PITPNM2: variants seen among roughly 807,000 people sequenced by gnomAD.
The protein encoded by PITPNM2 is membrane-associated phosphatidylinositol transfer protein 2.
A neutral mutation model predicts 132.2 loss-of-function variants in PITPNM2; 35 were observed. The ratio of observed to expected loss-of-function variants is 0.26; its 90% CI spans 0.20 to 0.35. The LOEUF is 0.35. Among genes scored for constraint, PITPNM2 ranks in the 10% least tolerant of loss-of-function variants. The probability of loss-of-function intolerance (pLI) is 1.00; values close to 1 mark genes in which losing one functional copy is unlikely to be tolerated. For missense variants in PITPNM2, 1,332 were observed against 1,912.0 expected (o/e 0.70, Z 5.66); for synonymous variants, 738 against 799.2 (o/e 0.92, Z 1.29).
At chr12:123,050,521 G>A (rs910192713) in intron 2 of PITPNM2, among the ~76,000 whole-genome samples, 6 of 152,272 alleles carry the variant, frequency 3.9e-5, no homozygotes, top group South Asian at 2.1e-4. Flanking sequence ...AAACCCAGGC[G>A]TCTTAGGTCA....
intron 2 of PITPNM2, chr12:123,081,294 C>T (rs2041954814): frequency 6.6e-6 from 1 of 152,326 alleles, no homozygotes; most frequent in Non-Finnish European, 1.5e-5. Context: ...TCCATAATGA[C>T]GTGGGTCTGG....
intron 2 of PITPNM2, chr12:123,091,202 T>C (rs1049807015): frequency 1.3e-5 from 2 of 152,202 alleles, no homozygotes; most frequent in Non-Finnish European, 2.9e-5. Context: ...CACAGCAGGA[T>C]TGCCGTCCTG....
rs1015082721 is a variant in PITPNM2 at position 122,992,322 on chromosome 12, G to A, written c.2404+177C>T. 9.2e-5 allele frequency among the ~76,000 whole-genome samples: 14 copies of A among 152,086 alleles called. No individual in the cohort carries two copies. The highest frequency in any genetic ancestry group is 3.4e-3 in the Middle Eastern group (1 of 294). On this transcript the variant is annotated intron_variant, in intron 16 of 25. Coordinates refer to ENST00000320201, the MANE Select transcript of PITPNM2 (RefSeq NM_020845.3). The surrounding 1 kb of genome is among the most constrained non-coding windows in gnomAD (Gnocchi z 6.5). ...ATTTGTGCCTCACAGGGATCAGTGC[G>A]GAGGGATGCACCACCCCCACCCCCC...
intron 5 of PITPNM2, 112 bp from the exon 6 acceptor site, chr12:123,010,189 C>A: frequency 1.2e-6 from 1 of 859,220 alleles, no homozygotes; most frequent in South Asian, 1.6e-5. Flanking sequence ...CTTGCCCTGC[C>A]AGAGGGACCC....
In PITPNM2 at chr12:123,012,007, G is replaced by A. The variant is rs573548110; in HGVS notation, c.415+606C>T. Among the ~76,000 whole-genome samples the A allele has an allele frequency of 2.6e-5, 4 of 152,354 alleles. No individual in the cohort carries two copies. The East Asian group carries it at 7.7e-4, about 29-fold the overall frequency. On this transcript the variant is annotated intron_variant, in intron 5 of 25. Coordinates refer to ENST00000320201, the MANE Select transcript of PITPNM2 (RefSeq NM_020845.3). ...ATGCCCTGCCTGAGATGCCTCCACA[G>A]TGACTTGGGCCTTGTACCCAGAGGC...
chr12:122,987,349 G>A lies in PITPNM2; in HGVS notation c.3345C>T (p.Ser1115=), dbSNP rs774168052. 1.4e-5 allele frequency: 22 copies of A among 1,612,850 alleles called. No homozygotes were observed. The highest frequency in any genetic ancestry group is 1.5e-5 in the Non-Finnish European group (18 of 1,180,028). ...TEFVVFSIDG[S]FAASVSIMGS... Reference sequence around the variant, plus strand: ...CCATGATGGACACGCTAGCGGCAAAGGAACCGTCGATGCTGAAGACCACGA... The same window carrying A: ...CCATGATGGACACGCTAGCGGCAAAAGAACCGTCGATGCTGAAGACCACGA... Residue 1115 remains serine, a synonymous_variant, in exon 23 of 26, where the codon TCC becomes TCT. Coordinates refer to ENST00000320201, the MANE Select transcript of PITPNM2 (RefSeq NM_020845.3).
At chr12:123,006,753 TA>T (rs2038952696) in intron 6 of PITPNM2, among the ~76,000 whole-genome samples, 1 of 132,540 alleles carries the variant, frequency 7.5e-6, no homozygotes, top group Admixed American at 7.8e-5. Flanking sequence ...ATAATAATAA[TA>T]GAATGATAAA....
In PITPNM2 at chr12:123,000,487, T is replaced by C; in HGVS notation, c.1224+291A>G. 1 of 702,434 alleles carries C rather than the reference T, an allele frequency of 1.4e-6. No homozygotes were observed. The highest frequency in any genetic ancestry group is 2.6e-6 in the Non-Finnish European group (1 of 384,738). 43.5% of individuals were successfully genotyped at this position (702,434 alleles called of 1,614,324 possible). A position where few individuals can be genotyped will look rare whatever the true frequency, so the allele number is the denominator to read the frequency against. ...AAGATCTTATTTTTGATCTGGAATTTACAAGTTTCTCATTTTACTTTCCCA... is the reference window on the plus strand; with the variant it reads ...AAGATCTTATTTTTGATCTGGAATTCACAAGTTTCTCATTTTACTTTCCCA... On this transcript the variant is annotated intron_variant, in intron 10 of 25. Transcript: ENST00000320201. The surrounding 1 kb of genome is among the most constrained non-coding windows in gnomAD (Gnocchi z 5.4).
intron 2 of PITPNM2, chr12:123,087,432 G>C (rs2042143745): frequency 6.6e-6 from 1 of 151,524 alleles, no homozygotes. Context: ...TTTTTTAGTA[G>C]AGACGGGGTT....
chr12:123,137,764 G>A (rs566099783), intron 1 of PITPNM2, among the ~76,000 whole-genome samples: 60 of 151,980 alleles, frequency 3.9e-4, no homozygotes, highest in African/African-American at 1.3e-3. Flanking sequence ...GTGGTGGTGC[G>A]TGTCTGTAGT....
chr12:122,991,744 A>C, intron 16 of PITPNM2: 1 of 1,296,250 alleles, frequency 7.7e-7, no homozygotes, highest in Non-Finnish European at 9.8e-7. Context: ...CGAGCAGGGG[A>C]GGGTACACAC....
intron 2 of PITPNM2, among the ~76,000 whole-genome samples, chr12:123,104,901 A>G (rs968777477): frequency 2.0e-5 from 3 of 152,112 alleles, no homozygotes; most frequent in African/African-American, 7.2e-5. Context: ...CTTTTAAAGC[A>G]CAATTCGGAT....
At position 123,022,185 on chromosome 12, in the gene PITPNM2, G is replaced by C. The variant is rs2136332271; in HGVS notation, c.79-8143C>G. Among the ~76,000 whole-genome samples the C allele has an allele frequency of 6.6e-6, 1 of 152,264 alleles. No individual in the cohort carries two copies. Among genetic ancestry groups the C allele is most frequent in the South Asian group, 2.1e-4 (1 of 4,822 alleles). On this transcript the variant is annotated intron_variant, in intron 3 of 25. Coordinates refer to ENST00000320201, the MANE Select transcript of PITPNM2 (RefSeq NM_020845.3). The surrounding 1 kb of genome is among the most constrained non-coding windows in gnomAD (Gnocchi z 4.9). ...CGGTGAGGAGGGGCCAGGCAGCACGGCTCTCCGCTCAGCCTTTTTCTGGTC... is the reference window on the plus strand; with the variant it reads ...CGGTGAGGAGGGGCCAGGCAGCACGCCTCTCCGCTCAGCCTTTTTCTGGTC...
intron 1 of PITPNM2, among the ~76,000 whole-genome samples, chr12:123,146,527 G>A (rs1165043244): frequency 2.0e-5 from 3 of 152,048 alleles, no homozygotes; most frequent in African/African-American, 4.8e-5. Context: ...CTGGGAGGCA[G>A]AGGTTGCAGT....
chr12:123,027,785 C>T (rs1281182075), intron 3 of PITPNM2, among the ~76,000 whole-genome samples: 2 of 152,232 alleles, frequency 1.3e-5, no homozygotes, highest in African/African-American at 4.8e-5. Context: ...CTAGTTCCAA[C>T]TGTCACCAGG....
intron 1 of PITPNM2, among the ~76,000 whole-genome samples, chr12:123,116,208 A>G (rs962627131): frequency 1.3e-5 from 2 of 152,248 alleles, no homozygotes; most frequent in African/African-American, 4.8e-5. Context: ...AATTGAAAGC[A>G]GGATGCAAAC....
chr12:122,996,760 G>A lies in PITPNM2; in HGVS notation c.1623C>T (p.Asp541=). 1 of 1,611,910 alleles carries A rather than the reference G, an allele frequency of 6.2e-7. No individual in the cohort carries two copies. The highest frequency in any genetic ancestry group is 1.1e-5 in the South Asian group (1 of 90,862). The change falls in exon 12 of 26, where the codon GAC becomes GAT. Residue 541 remains aspartate (D), a synonymous_variant. Coordinates refer to ENST00000320201, the MANE Select transcript of PITPNM2 (RefSeq NM_020845.3). ...TCATGCCCTCCTGGGACTTGATGAA[G>A]TCCCCATAGGCAAGGTTGGCTCGCT... ...VIQRANLAYG[D]FIKSQEGMTF...
intron 20 of PITPNM2, 56 bp downstream of exon 20, chr12:122,988,178 C>T (rs189987477): frequency 6.6e-5 from 96 of 1,443,648 alleles, no homozygotes; most frequent in Non-Finnish European, 8.2e-5. Flanking sequence ...CATCTGGACA[C>T]GGAGGCTGGT....
chr12:123,143,673 A>G (rs2043553103), intron 1 of PITPNM2, among the ~76,000 whole-genome samples: 1 of 152,170 alleles, frequency 6.6e-6, no homozygotes, highest in South Asian at 2.1e-4. Flanking sequence ...GGCCAAGTCT[A>G]TTGCAGGGCT....
Sources: gnomAD v4.1 joint callset for allele counts (sites outside exome capture counted in the v4.1 genomes callset) on GRCh38, gnomAD v4.1.1 for gene constraint, Gnocchi (gnomAD v3.1) non-coding constraint, MANE v1.5 for transcripts, NCBI Gene and HGNC (gene_info 2026-07-23, HGNC 2026-07-21) for gene names.